The following CTNND2 variants were observed in gnomAD, a reference collection of about 807,000 sequenced individuals.
The protein encoded by CTNND2 is catenin delta-2.
In CTNND2, 22 loss-of-function variants were observed where a neutral mutation model predicts 144.4. That is an observed-to-expected ratio of 0.15 (90% CI 0.11 to 0.22). CTNND2 has a LOEUF of 0.22. CTNND2 is among the 10% of genes least tolerant of loss of function. The pLI is 1.00. For synonymous variants in CTNND2, 751 were observed against 695.6 expected (o/e 1.08, Z -1.25); for missense variants, 1,353 against 1,618.8 (o/e 0.84, Z 2.82).
chr5:11,102,970 A>ATTTTTTTTTTTTTTTTTTT (rs778134907), intron 14 of CTNND2, among the ~76,000 whole-genome samples: 17 of 84,090 alleles, frequency 2.0e-4, no homozygotes, highest in East Asian at 7.9e-4. Context: ...TATTTAAAAG[A>ATTTTTTTTTTTTTTTTTTT]TTTTTTTTTT....
chr5:11,168,014 A>T (rs1286003525), intron 11 of CTNND2, among the ~76,000 whole-genome samples: 1 of 151,942 alleles, frequency 6.6e-6, no homozygotes, highest in Non-Finnish European at 1.5e-5. Flanking sequence ...CCCTCACCTA[A>T]ATTTTTGATT....
intron 16 of CTNND2, among the ~76,000 whole-genome samples, chr5:11,027,646 T>C (rs1191269148): frequency 6.6e-6 from 1 of 152,202 alleles, no homozygotes; most frequent in Non-Finnish European, 1.5e-5. Flanking sequence ...AATACCTGTA[T>C]TTTGTATTTG....
chr5:11,349,841 T>C (rs1265127163), intron 8 of CTNND2, among the ~76,000 whole-genome samples: 1 of 151,956 alleles, frequency 6.6e-6, no homozygotes, highest in Non-Finnish European at 1.5e-5. Flanking sequence ...TATTACAAAA[T>C]TGTTATGTTA....
Position 11,767,520 on chromosome 5 carries a change from A to G in CTNND2, c.38-35248T>C, listed in dbSNP as rs547280879. ...GATGGTTTAGAAATGAACCACGAAC[A>G]AGAATTATATTCCCTTTGACAAGCA... On this transcript the variant is annotated intron_variant, in intron 1 of 21. Coordinates refer to ENST00000304623, the MANE Select transcript of CTNND2 (RefSeq NM_001332.4). 5.3e-5 allele frequency among the ~76,000 whole-genome samples: 8 copies of G among 152,358 alleles called. No individual in the cohort carries two copies. The South Asian group carries it at 6.2e-4, about 12-fold the overall frequency.
intron 9 of CTNND2, among the ~76,000 whole-genome samples, chr5:11,312,367 C>G (rs1751066872): frequency 6.6e-6 from 1 of 151,820 alleles, no homozygotes; most frequent in Non-Finnish European, 1.5e-5. Context: ...TTTAATCGGA[C>G]TTACAGTTCC....
chr5:11,262,294 C>T (rs979765356), intron 9 of CTNND2, among the ~76,000 whole-genome samples: 3 of 152,160 alleles, frequency 2.0e-5, no homozygotes, highest in Non-Finnish European at 4.4e-5. Flanking sequence ...CTTAAACCCA[C>T]ACCATACTGA....
intron 15 of CTNND2, among the ~76,000 whole-genome samples, chr5:11,088,180 C>T (rs1750377431): frequency 6.6e-6 from 1 of 152,146 alleles, no homozygotes; most frequent in Non-Finnish European, 1.5e-5. Flanking sequence ...AAATACAACC[C>T]TGTTAAATGA....
intron 2 of CTNND2, among the ~76,000 whole-genome samples, chr5:11,710,764 G>A (rs78161056): frequency 0.057 from 8,706 of 152,100 alleles, 492 homozygotes; most frequent in African/African-American, 0.15. Context: ...CTGAAGGTCC[G>A]GGCAGTGCAC....
At chr5:11,721,108 C>G (rs1328252163) in intron 2 of CTNND2, among the ~76,000 whole-genome samples, 1 of 152,130 alleles carries the variant, frequency 6.6e-6, no homozygotes, top group African/African-American at 2.4e-5. Flanking sequence ...TGAGGTGTAT[C>G]CATACAGTGG....
At chr5:11,667,544 G>A (rs902941107) in intron 2 of CTNND2, among the ~76,000 whole-genome samples, 24 of 152,036 alleles carry the variant, frequency 1.6e-4, no homozygotes, top group African/African-American at 5.8e-4. Context: ...TCATATGTCT[G>A]TTGGCTGCAT....
At chr5:11,568,853 G>A (rs2150112651) in intron 2 of CTNND2, among the ~76,000 whole-genome samples, 1 of 152,238 alleles carries the variant, frequency 6.6e-6, no homozygotes, top group African/African-American at 2.4e-5. Flanking sequence ...TGCTAATAAG[G>A]GCAGGTGAGT....
chr5:11,791,547 G>A (rs1017502438), intron 1 of CTNND2, among the ~76,000 whole-genome samples: 6 of 152,184 alleles, frequency 3.9e-5, no homozygotes, highest in Admixed American at 1.3e-4. Context: ...TGCATCAGAT[G>A]CTCATCAATC....
At chr5:11,493,314 G>A (rs1449262617) in intron 3 of CTNND2, among the ~76,000 whole-genome samples, 1 of 152,124 alleles carries the variant, frequency 6.6e-6, no homozygotes, top group Non-Finnish European at 1.5e-5. Flanking sequence ...CTGAGGTACA[G>A]GGGAAGGAAC....
intron 3 of CTNND2, among the ~76,000 whole-genome samples, chr5:11,444,155 CAACT>C (rs1210791868): frequency 1.3e-5 from 2 of 152,128 alleles, no homozygotes; most frequent in African/African-American, 4.8e-5. Context: ...ACAGATAACT[CAACT>C]GACTGAATGC....
chr5:11,333,159 T>G (rs1753351953), intron 9 of CTNND2, among the ~76,000 whole-genome samples: 1 of 152,254 alleles, frequency 6.6e-6, no homozygotes, highest in East Asian at 1.9e-4. Context: ...ATTTCCTCCC[T>G]TCTTACAGCT....
At position 11,734,148 on chromosome 5, in the gene CTNND2, C is replaced by G. The variant is rs1159064951; in HGVS notation, c.38-1876G>C. ...GGACTTAATCTTTTGCTTCCCAGCT[C>G]CAGAACTTCAAGTTAATTTCCATTG... On this transcript the variant is annotated intron_variant, in intron 1 of 21. Transcript: ENST00000304623. 3.3e-5 allele frequency among the ~76,000 whole-genome samples: 5 copies of G among 152,294 alleles called. No individual in the cohort carries two copies. The East Asian group carries it at 9.7e-4, about 29-fold the overall frequency.
Position 10,988,306 on chromosome 5 carries a change from ACAGT to A in CTNND2, c.3212-68_3212-65del. Reference sequence around the variant, plus strand: ...ATCCCACAGCGTGTGTGCCTTCCACACAGTCAGGGTCCTCACTATGCATGGTCCC... The same window carrying A: ...ATCCCACAGCGTGTGTGCCTTCCACACAGGGTCCTCACTATGCATGGTCCC... On this transcript the variant is annotated intron_variant, in intron 19 of 21. Coordinates refer to ENST00000304623, the MANE Select transcript of CTNND2 (RefSeq NM_001332.4). This position sits in a 1 kb window ranked among gnomAD's most constrained non-coding sequence, Gnocchi z 5.9. 1 of 1,597,870 alleles carries A rather than the reference ACAGT, an allele frequency of 6.3e-7. No homozygotes were observed. The highest frequency in any genetic ancestry group is 8.6e-7 in the Non-Finnish European group (1 of 1,168,206).
In CTNND2 at chr5:11,113,952, A is replaced by G. The variant is rs565524074; in HGVS notation, c.2278-2909T>C. Among the ~76,000 whole-genome samples the G allele has an allele frequency of 3.9e-5, 6 of 152,318 alleles. No homozygotes were observed. The East Asian group carries it at 1.2e-3, about 29-fold the overall frequency. ...AGGAAATATCTCTGGAGCCTTTGTC[A>G]TTCCAGACCTTTCTTGTCAGCTTTT... On this transcript the variant is annotated intron_variant, in intron 13 of 21. Coordinates refer to ENST00000304623, the MANE Select transcript of CTNND2 (RefSeq NM_001332.4).
At chr5:11,692,410 G>C (rs1784950061) in intron 2 of CTNND2, among the ~76,000 whole-genome samples, 1 of 152,190 alleles carries the variant, frequency 6.6e-6, no homozygotes, top group South Asian at 2.1e-4. Flanking sequence ...GAGACAGGCT[G>C]CTGTCTGTGT....
Sources: gnomAD v4.1 joint callset for allele counts (sites outside exome capture counted in the v4.1 genomes callset) on GRCh38, gnomAD v4.1.1 for gene constraint, Gnocchi (gnomAD v3.1) non-coding constraint, MANE v1.5 for transcripts, NCBI Gene and HGNC (gene_info 2026-07-23, HGNC 2026-07-21) for gene names.